Variants in CPS1 observed in about 807,000 individuals in gnomAD.
CPS1 encodes the protein carbamoyl-phosphate synthase 1.
In CPS1, 109 loss-of-function variants were observed where a neutral mutation model predicts 174.6. That is an observed-to-expected ratio of 0.62 (90% CI 0.53 to 0.73). The LOEUF is 0.73. Ranked by LOEUF, CPS1 falls within the 30% of genes least tolerant of loss-of-function variation. The pLI is 0.00. For missense variants in CPS1, 1,689 were observed against 1,821.9 expected (o/e 0.93, Z 1.33); for synonymous variants, 637 against 632.0 (o/e 1.01, Z -0.12).
chr2:210,574,827 C>G (rs1196836221), intron 2 of CPS1, among the ~76,000 whole-genome samples: 1 of 151,516 alleles, frequency 6.6e-6, no homozygotes, highest in Admixed American at 6.6e-5. Context: ...ATGGTAAGTT[C>G]TTTTATGGAA....
intron 1 of CPS1, among the ~76,000 whole-genome samples, chr2:210,496,954 T>G (rs1449826832): frequency 1.3e-5 from 2 of 152,214 alleles, no homozygotes; most frequent in African/African-American, 4.8e-5. Context: ...GAAAAATAAT[T>G]ATATTCTGGA....
chr2:210,602,078 G>T, intron 15 of CPS1, 124 bp from the exon 16 acceptor site: 1 of 1,157,258 alleles, frequency 8.6e-7, no homozygotes, highest in South Asian at 1.3e-5. Context: ...GGGAATAATA[G>T]AACATTTCTA....
In CPS1 at chr2:210,606,725, A is replaced by G; in HGVS notation, c.1982-6A>G. On this transcript the variant is annotated splice_region_variant and splice_polypyrimidine_tract_variant and intron_variant, in intron 17 of 37. Coordinates refer to ENST00000233072, the MANE Select transcript of CPS1 (RefSeq NM_001875.5). The stretch of plus-strand genomic sequence containing the variant: ...ACCAAGTAATGAGTGCTTCTTGGAT[A>G]TATAGGTGACTCAGTTGTTGTGGCT... The G allele has an allele frequency of 1.2e-6, 2 of 1,612,124 alleles. No individual in the cohort carries two copies. Among genetic ancestry groups the G allele is most frequent in the Admixed American group, 1.7e-5 (1 of 59,818 alleles).
At chr2:210,592,095 T>C (rs376597574) in intron 10 of CPS1, 126 bp downstream of exon 10, 1 of 1,083,346 alleles carries the variant, frequency 9.2e-7, no homozygotes, top group Non-Finnish European at 1.3e-6. Flanking sequence ...GCATATCATA[T>C]GTAATGATCA....
intron 25 of CPS1, among the ~76,000 whole-genome samples, chr2:210,646,351 T>A (rs1700377018): frequency 6.6e-6 from 1 of 152,204 alleles, no homozygotes; most frequent in African/African-American, 2.4e-5. Context: ...AAAAATAGTT[T>A]AAGTACACTT....
chr2:210,548,913 G>C (rs952976063), intron 1 of CPS1, among the ~76,000 whole-genome samples: 3 of 152,080 alleles, frequency 2.0e-5, no homozygotes, highest in Non-Finnish European at 4.4e-5. Flanking sequence ...AGGGTGGAAT[G>C]TATCTTCCTG....
intron 36 of CPS1, 32 bp downstream of exon 36, chr2:210,675,872 A>G (rs1320179698): frequency 1.0e-6 from 1 of 997,134 alleles, no homozygotes; most frequent in South Asian, 1.3e-5. Context: ...TTCTGAAATA[A>G]TTTAGAGGAT....
intron 1 of CPS1, among the ~76,000 whole-genome samples, chr2:210,548,509 A>G (rs1050626409): frequency 2.6e-5 from 4 of 152,098 alleles, no homozygotes; most frequent in African/African-American, 9.7e-5. Context: ...ACATCAAAAA[A>G]CAATACCAGA....
intron 34 of CPS1, chr2:210,673,376 G>A (rs1701383800): frequency 6.6e-6 from 1 of 152,184 alleles, no homozygotes; most frequent in Non-Finnish European, 1.5e-5. Flanking sequence ...ATCACAGGAA[G>A]TATGTTCAGA....
intron 1 of CPS1, among the ~76,000 whole-genome samples, chr2:210,522,133 G>A (rs1695843537): frequency 6.6e-6 from 1 of 151,826 alleles, no homozygotes; most frequent in African/African-American, 2.4e-5. Flanking sequence ...CCTAGCCTTG[G>A]GTAACTTCTT....
intron 33 of CPS1, among the ~76,000 whole-genome samples, chr2:210,664,192 C>T (rs1370782609): frequency 2.6e-5 from 4 of 152,114 alleles, no homozygotes; most frequent in East Asian, 1.9e-4. Flanking sequence ...GCACTATGTA[C>T]GTTTCATCTC....
At chr2:210,630,666 T>C (rs559105714) in intron 21 of CPS1, among the ~76,000 whole-genome samples, 20 of 152,318 alleles carry the variant, frequency 1.3e-4, no homozygotes, top group African/African-American at 4.8e-4. Context: ...ACTCAAAAAT[T>C]AAGACAAAAT....
intron 13 of CPS1, among the ~76,000 whole-genome samples, chr2:210,598,158 A>G (rs1429235489): frequency 6.6e-6 from 1 of 151,754 alleles, no homozygotes; most frequent in Non-Finnish European, 1.5e-5. Flanking sequence ...CTTTTTGAAT[A>G]AGCAAATATT....
At chr2:210,582,981 T>C (rs1697977459) in intron 6 of CPS1, among the ~76,000 whole-genome samples, 1 of 152,084 alleles carries the variant, frequency 6.6e-6, no homozygotes, top group African/African-American at 2.4e-5. Flanking sequence ...TTCTTCAGCT[T>C]AGGATTTTAA....
intron 1 of CPS1, among the ~76,000 whole-genome samples, chr2:210,500,569 A>C (rs757394798): frequency 6.6e-6 from 1 of 152,214 alleles, no homozygotes; most frequent in Non-Finnish European, 1.5e-5. Flanking sequence ...TAGGGCAGTC[A>C]TTAAAACTTA....
At chr2:210,593,558 C>A in intron 11 of CPS1, 3 of 985,496 alleles carry the variant, frequency 3.0e-6, no homozygotes, top group Non-Finnish European at 3.6e-6. Flanking sequence ...ACCCATCTTT[C>A]CAAATAAATT....
intron 16 of CPS1, among the ~76,000 whole-genome samples, chr2:210,603,974 C>G (rs1421487443): frequency 6.6e-6 from 1 of 151,818 alleles, no homozygotes; most frequent in African/African-American, 2.4e-5. Context: ...CAAATTTTCC[C>G]TGTATCTAAA....
At chr2:210,595,977 C>T (rs928059813) in intron 13 of CPS1, among the ~76,000 whole-genome samples, 103 of 151,788 alleles carry the variant, frequency 6.8e-4, no homozygotes, top group African/African-American at 4.8e-5. Context: ...CAGGATGCTT[C>T]GGGCATCTCT....
chr2:210,602,161 G>A (rs2105842834), intron 15 of CPS1, 41 bp from the exon 16 acceptor site: 4 of 1,610,008 alleles, frequency 2.5e-6, no homozygotes, highest in East Asian at 4.5e-5. Context: ...CTGCCAGTGT[G>A]CTCAGCTTTT....
Sources: allele counts gnomAD v4.1 joint callset (sites outside exome capture counted in the v4.1 genomes callset), GRCh38; gene constraint gnomAD v4.1.1; transcripts MANE v1.5; gene names NCBI Gene and HGNC (gene_info 2026-07-23, HGNC 2026-07-21).